Variants in DUSP16 observed in about 807,000 individuals in gnomAD.
DUSP16 encodes dual specificity protein phosphatase 16.
DUSP16 carries 21 observed loss-of-function variants against 58.3 expected under a neutral mutation model. That is an observed-to-expected ratio of 0.36 (90% CI 0.26 to 0.52). DUSP16 has a LOEUF of 0.52. Among genes scored for constraint, DUSP16 ranks in the 20% least tolerant of loss-of-function variants. The pLI, the probability that DUSP16 is intolerant of heterozygous loss-of-function variation, is 0.94. For synonymous variants in DUSP16, 320 were observed against 323.8 expected, an observed-to-expected ratio of 0.99 and a Z score of 0.12; for missense variants, 726 against 819.0, an observed-to-expected ratio of 0.89 and a Z score of 1.39.
At chr12:12,495,705 C>T (rs934116959) in intron 4 of DUSP16, among the ~76,000 whole-genome samples, 6 of 152,220 alleles carry the variant, frequency 3.9e-5, no homozygotes, top group Non-Finnish European at 7.3e-5. Context: ...TAAATAACCA[C>T]AGGCATTTCA....
At chr12:12,533,105 CATGTTT>C (rs1944415220) in intron 1 of DUSP16, among the ~76,000 whole-genome samples, 1 of 152,130 alleles carries the variant, frequency 6.6e-6, no homozygotes, top group Admixed American at 6.5e-5. Flanking sequence ...TTTTAAATCA[CATGTTT>C]ATGACTATGA....
intron 4 of DUSP16, among the ~76,000 whole-genome samples, chr12:12,499,941 G>A (rs770780475): frequency 3.3e-5 from 5 of 151,898 alleles, no homozygotes; most frequent in Admixed American, 6.6e-5. Flanking sequence ...AGTAGGGCCC[G>A]TGTCTTTTTC....
chr12:12,521,519 A>T, intron 1 of DUSP16, 56 bp from the exon 2 acceptor site: 1 of 809,690 alleles, frequency 1.2e-6, no homozygotes, highest in Non-Finnish European at 1.5e-6. Context: ...AAGAAGAAAG[A>T]GTGTCAGATT....
chr12:12,493,679 G>A (rs1313362966), intron 4 of DUSP16, among the ~76,000 whole-genome samples: 1 of 152,062 alleles, frequency 6.6e-6, no homozygotes, highest in Non-Finnish European at 1.5e-5. Context: ...CTTTGCCTTG[G>A]TGGCTTCTTC....
chr12:12,481,791 T>C (rs528166736), intron 5 of DUSP16, among the ~76,000 whole-genome samples: 1 of 152,274 alleles, frequency 6.6e-6, no homozygotes, highest in East Asian at 1.9e-4. Context: ...GTGTACACAG[T>C]CTCATGCCTT....
intron 1 of DUSP16, among the ~76,000 whole-genome samples, chr12:12,543,718 T>C (rs758903801): frequency 1.3e-5 from 2 of 152,108 alleles, no homozygotes; most frequent in Non-Finnish European, 2.9e-5. Flanking sequence ...TCCAGAAATA[T>C]ATTCTTTTGT....
In DUSP16 at chr12:12,489,929, T is replaced by C. The variant is rs367823656; in HGVS notation, c.532-2742A>G. On this transcript the variant is annotated intron_variant, in intron 4 of 6. Transcript: ENST00000298573. Reference sequence around the variant, plus strand: ...TGAATGCCTACAATGTGCCAGGTACTGTATTAAGCATTTAAATGGACTGTC... The same window carrying C: ...TGAATGCCTACAATGTGCCAGGTACCGTATTAAGCATTTAAATGGACTGTC... 1.8e-4 allele frequency among the ~76,000 whole-genome samples: 28 copies of C among 152,368 alleles called. No homozygotes were observed. In the East Asian group the frequency reaches 1.9e-3, roughly 10 times the overall value.
In DUSP16 at chr12:12,487,140, A is replaced by G. The variant is rs2136197664; in HGVS notation, c.579T>C (p.Asn193=). Residue 193 remains asparagine, a synonymous_variant, in exon 5 of 7, where the codon AAT becomes AAC. Transcript: ENST00000298573. ...NGIGYVLNAS[N]TCPKPDFIPE... is the part of the protein sequence containing the mutation. Reference sequence around the variant, plus strand: ...GGATAAAGTCAGGCTTTGGACAGGTATTGCTGGCATTTAACACATAACCAA... The same window carrying G: ...GGATAAAGTCAGGCTTTGGACAGGTGTTGCTGGCATTTAACACATAACCAA... 4.3e-6 allele frequency: 7 copies of G among 1,614,172 alleles called. No homozygotes were observed. Among genetic ancestry groups the G allele is most frequent in the Non-Finnish European group, 5.9e-6 (7 of 1,179,990 alleles).
chr12:12,513,552 A>G (rs1944107104), intron 3 of DUSP16, among the ~76,000 whole-genome samples: 1 of 152,022 alleles, frequency 6.6e-6, no homozygotes, highest in Non-Finnish European at 1.5e-5. Context: ...CAGCTCTGTT[A>G]TTTTCCTCAT....
intron 1 of DUSP16, among the ~76,000 whole-genome samples, chr12:12,558,620 T>C (rs1249537234): frequency 6.6e-6 from 1 of 152,142 alleles, no homozygotes; most frequent in Non-Finnish European, 1.5e-5. Flanking sequence ...GCTCAAGTGA[T>C]CCTCCTGCCT....
rs79839221 is a variant in DUSP16, at chr12:12,539,112, C to T, written c.-365-17649G>A. ...AGCAGAGGTGGATCCTTTACCTTCT[C>T]CTAAAAAACTGTCACAAGGGACAGG... On this transcript the variant is annotated intron_variant, in intron 1 of 6. Coordinates refer to ENST00000298573, the MANE Select transcript of DUSP16 (RefSeq NM_030640.3). Among the ~76,000 whole-genome samples the T allele has an allele frequency of 1.8e-3, 271 of 152,206 alleles. 2 individuals carry two copies. Among genetic ancestry groups the T allele is most frequent in the African/African-American group, 6.3e-3 (263 of 41,526 alleles).
Position 12,477,078 on chromosome 12 carries a change from T to C in DUSP16, c.1753A>G (p.Ser585Gly). The C allele has an allele frequency of 6.2e-7, 1 of 1,614,270 alleles. No homozygotes were observed. Among genetic ancestry groups the C allele is most frequent in the South Asian group, 1.1e-5 (1 of 91,086 alleles). ...GSASYSAYSC[S>G]QLPTCGDQVY... ...TGGTCTCCGCAAGTGGGCAGCTGGC[T>C]GCAGCTGTAGGCAGAGTAACTGGCA... The change falls in exon 7 of 7, where the codon AGC (serine) becomes GGC (glycine). Residue 585 changes from serine to glycine, a missense_variant. Transcript: ENST00000298573. This position sits in a 1 kb window ranked among gnomAD's most constrained non-coding sequence, Gnocchi z 4.1.
intron 3 of DUSP16, among the ~76,000 whole-genome samples, chr12:12,513,438 G>A (rs1944106042): frequency 6.6e-6 from 1 of 152,132 alleles, no homozygotes; most frequent in Admixed American, 6.6e-5. Context: ...TCTGAAATGG[G>A]CACCCTTGAT....
chr12:12,552,762 T>C (rs139271782), intron 1 of DUSP16, among the ~76,000 whole-genome samples: 2 of 152,298 alleles, frequency 1.3e-5, no homozygotes, highest in African/African-American at 4.8e-5. Flanking sequence ...AAGCATATTA[T>C]TTATATCAAC....
intron 4 of DUSP16, among the ~76,000 whole-genome samples, chr12:12,492,819 C>T (rs912910484): frequency 1.1e-4 from 16 of 152,144 alleles, no homozygotes; most frequent in Admixed American, 3.3e-4. Flanking sequence ...CAGTCTTCAT[C>T]TTTCTTGACC....
chr12:12,530,089 T>A (rs567682039), intron 1 of DUSP16, among the ~76,000 whole-genome samples: 4 of 152,208 alleles, frequency 2.6e-5, no homozygotes, highest in Non-Finnish European at 2.9e-5. Flanking sequence ...GGAACCTCCA[T>A]AGTGTTTTCC....
At chr12:12,515,186 C>A (rs957156555) in intron 3 of DUSP16, among the ~76,000 whole-genome samples, 7 of 151,878 alleles carry the variant, frequency 4.6e-5, no homozygotes, top group Non-Finnish European at 1.0e-4. Flanking sequence ...GAATTAGATT[C>A]TTTTCAAATT....
In DUSP16 at chr12:12,524,880, G is replaced by T. The variant is rs577682550; in HGVS notation, c.-365-3417C>A. 3.1e-3 allele frequency among the ~76,000 whole-genome samples: 467 copies of T among 152,130 alleles called. 1 individual carries two copies. The highest frequency in any genetic ancestry group is 5.2e-3 in the Non-Finnish European group (351 of 67,990). On this transcript the variant is annotated intron_variant, in intron 1 of 6. Transcript: ENST00000298573. ...TTGTGTCACTTATACATCAATAAAGGTGTTTAAAATTGCCACGATATTGAA... is the reference window on the plus strand; with the variant it reads ...TTGTGTCACTTATACATCAATAAAGTTGTTTAAAATTGCCACGATATTGAA...
chr12:12,496,517 G>A (rs1175030311), intron 4 of DUSP16, among the ~76,000 whole-genome samples: 1 of 152,200 alleles, frequency 6.6e-6, no homozygotes, highest in Non-Finnish European at 1.5e-5. Context: ...TGGAGAAGGA[G>A]CAGGCAGCAG....
Sources: gnomAD v4.1 joint callset for allele counts (sites outside exome capture counted in the v4.1 genomes callset) on GRCh38, gnomAD v4.1.1 for gene constraint, Gnocchi (gnomAD v3.1) non-coding constraint, MANE v1.5 for transcripts, NCBI Gene and HGNC (gene_info 2026-07-23, HGNC 2026-07-21) for gene names.